Variants in TMC5 observed in about 807,000 individuals in gnomAD.
The protein encoded by TMC5 is transmembrane channel-like protein 5.
In TMC5, 86 loss-of-function variants were observed where a neutral mutation model predicts 110.5. The observed-to-expected ratio is 0.78, with a 90% CI of 0.65 to 0.93. TMC5 has a LOEUF of 0.93. TMC5 is among the 40% of genes least tolerant of loss of function. The pLI is 0.00. For synonymous variants in TMC5, 455 were observed against 439.5 expected (o/e 1.04, Z -0.44); for missense variants, 1,144 against 1,222.8 (o/e 0.94, Z 0.96).
intron 1 of TMC5, among the ~76,000 whole-genome samples, chr16:19,412,605 T>C (rs1186883501): frequency 2.7e-5 from 4 of 150,626 alleles, no homozygotes; most frequent in Non-Finnish European, 4.4e-5. Flanking sequence ...TGACCTCAGT[T>C]GATCCACTCG....
At chr16:19,492,894 T>C (rs1968942215) in intron 19 of TMC5, among the ~76,000 whole-genome samples, 1 of 121,466 alleles carries the variant, frequency 8.2e-6, no homozygotes, top group Non-Finnish European at 1.8e-5. Context: ...CTTTATATTA[T>C]TTTTTATTTA....
intron 4 of TMC5, 85 bp downstream of exon 4, chr16:19,444,335 C>A: frequency 8.1e-7 from 1 of 1,233,472 alleles, no homozygotes; most frequent in Non-Finnish European, 1.1e-6. Context: ...GGAGACTTGG[C>A]AATAGGAGAA....
chr16:19,455,229 C>T (rs760771409), intron 5 of TMC5, among the ~76,000 whole-genome samples: 6 of 151,966 alleles, frequency 3.9e-5, no homozygotes, highest in Non-Finnish European at 8.8e-5. Flanking sequence ...AGGCGAATCA[C>T]TTGAGGTCAG....
At chr16:19,459,251 A>G (rs1042675052) in intron 5 of TMC5, among the ~76,000 whole-genome samples, 2 of 152,160 alleles carry the variant, frequency 1.3e-5, no homozygotes, top group Admixed American at 1.3e-4. Flanking sequence ...GCTCAGGGCC[A>G]TGTGAGGGAG....
chr16:19,430,017 G>A (rs1001400864), intron 1 of TMC5, among the ~76,000 whole-genome samples: 3 of 151,920 alleles, frequency 2.0e-5, no homozygotes, highest in African/African-American at 7.3e-5. Flanking sequence ...TTTTTGAGGG[G>A]ATGCAACTCA....
intron 5 of TMC5, among the ~76,000 whole-genome samples, chr16:19,459,750 T>C (rs1185189224): frequency 6.6e-6 from 1 of 150,406 alleles, no homozygotes; most frequent in Non-Finnish European, 1.5e-5. Flanking sequence ...GACCTCAGCT[T>C]TACAAAAAAA....
intron 4 of TMC5, among the ~76,000 whole-genome samples, chr16:19,447,650 T>C (rs574101590): frequency 1.3e-5 from 2 of 152,040 alleles, no homozygotes; most frequent in Non-Finnish European, 2.9e-5. Context: ...AGTGGTGCAA[T>C]CTCAGCTCAC....
At chr16:19,462,559 C>T (rs942742301) in intron 6 of TMC5, 4 of 701,740 alleles carry the variant, frequency 5.7e-6, no homozygotes, top group Non-Finnish European at 1.0e-5. Flanking sequence ...GCACATCTTA[C>T]GTGGTGGTAG....
At chr16:19,423,348 C>T (rs2143366975) in intron 1 of TMC5, among the ~76,000 whole-genome samples, 1 of 152,284 alleles carries the variant, frequency 6.6e-6, no homozygotes, top group South Asian at 2.1e-4. Flanking sequence ...GTTTGCCAGA[C>T]TTTGCTCAGT....
At chr16:19,495,164 G>A (rs2143779498) in intron 20 of TMC5, among the ~76,000 whole-genome samples, 1 of 71,524 alleles carries the variant, frequency 1.4e-5, no homozygotes, top group Non-Finnish European at 3.9e-5. Context: ...ACAGGCGCCC[G>A]CCACTACGCC....
intron 10 of TMC5, among the ~76,000 whole-genome samples, chr16:19,471,147 G>T (rs1968331358): frequency 6.6e-6 from 1 of 151,988 alleles, no homozygotes; most frequent in Non-Finnish European, 1.5e-5. Context: ...GGAGTGCAGT[G>T]GTGCAATCAT....
chr16:19,446,440 G>T (rs1018858439), intron 4 of TMC5, among the ~76,000 whole-genome samples: 1 of 152,234 alleles, frequency 6.6e-6, no homozygotes, highest in African/African-American at 2.4e-5. Flanking sequence ...GACATACTGT[G>T]CTACTCCAGT....
chr16:19,426,886 G>A (rs911568668), intron 1 of TMC5, among the ~76,000 whole-genome samples: 1 of 152,088 alleles, frequency 6.6e-6, no homozygotes, highest in Admixed American at 6.6e-5. Flanking sequence ...AATCACTTGG[G>A]AAACCCGATA....
chr16:19,491,440 C>T (rs565751255), intron 18 of TMC5, among the ~76,000 whole-genome samples: 61 of 151,642 alleles, frequency 4.0e-4, no homozygotes, highest in Admixed American at 1.5e-3. Flanking sequence ...GTTCTCTGAT[C>T]GTGCCACTGC....
intron 19 of TMC5, among the ~76,000 whole-genome samples, chr16:19,493,755 C>G (rs565360392): frequency 3.0e-4 from 46 of 152,330 alleles, no homozygotes; most frequent in African/African-American, 1.1e-3. Context: ...GCCACTGCGC[C>G]CAGCCAATAT....
chr16:19,461,891 G>A (rs968591657), intron 6 of TMC5, among the ~76,000 whole-genome samples: 1 of 152,122 alleles, frequency 6.6e-6, no homozygotes, highest in Non-Finnish European at 1.5e-5. Context: ...AGTAAATCAG[G>A]CCAAGTCAAA....
At chr16:19,466,390 C>T (rs774955494) in intron 9 of TMC5, among the ~76,000 whole-genome samples, 157 bp downstream of exon 9, 1 of 152,180 alleles carries the variant, frequency 6.6e-6, no homozygotes, top group Non-Finnish European at 1.5e-5. Flanking sequence ...CTCGCTCTGT[C>T]ACCCATGCTG....
At chr16:19,488,520 C>T (rs1486269002) in intron 17 of TMC5, among the ~76,000 whole-genome samples, 1 of 151,998 alleles carries the variant, frequency 6.6e-6, no homozygotes, top group Non-Finnish European at 1.5e-5. Flanking sequence ...TCCACTGTTC[C>T]CCGCCCCACC....
chr16:19,456,468 A>G (rs1967875132), intron 5 of TMC5: 1 of 1,202,968 alleles, frequency 8.3e-7, no homozygotes, highest in African/African-American at 1.5e-5. Flanking sequence ...CTCTGCAGGA[A>G]AACACTCCTT....
Sources: gnomAD v4.1 joint callset for allele counts (sites outside exome capture counted in the v4.1 genomes callset) on GRCh38, gnomAD v4.1.1 for gene constraint, MANE v1.5 for transcripts, NCBI Gene and HGNC (gene_info 2026-07-23, HGNC 2026-07-21) for gene names.